Variants in PRPSAP2 observed in about 807,000 individuals in gnomAD.
PRPSAP2 encodes phosphoribosyl pyrophosphate synthase-associated protein 2.
A neutral mutation model predicts 40.6 loss-of-function variants in PRPSAP2; 24 were observed. The ratio of observed to expected loss-of-function variants is 0.59; its 90% CI spans 0.43 to 0.83. The LOEUF (loss-of-function observed/expected upper bound fraction) is 0.83. PRPSAP2 is among the 40% of genes least tolerant of loss of function. The probability of loss-of-function intolerance (pLI) is 0.00; values close to 1 mark genes in which losing one functional copy is unlikely to be tolerated. For synonymous variants in PRPSAP2, 149 were observed against 164.7 expected (o/e 0.90, Z 0.73); for missense variants, 292 against 465.6 (o/e 0.63, Z 3.43).
intron 8 of PRPSAP2, among the ~76,000 whole-genome samples, chr17:18,903,397 A>G (rs1306941982): frequency 2.0e-5 from 3 of 149,280 alleles, no homozygotes; most frequent in Non-Finnish European, 2.9e-5. Flanking sequence ...CAGGTAGTAA[A>G]ATAACACAGT....
intron 6 of PRPSAP2, among the ~76,000 whole-genome samples, chr17:18,880,352 G>A (rs1175848839): frequency 6.6e-6 from 1 of 152,166 alleles, no homozygotes; most frequent in Non-Finnish European, 1.5e-5. Flanking sequence ...TACAAAGGTG[G>A]TGAAGGTTTT....
chr17:18,922,828 C>G (rs2041764579), intron 9 of PRPSAP2, among the ~76,000 whole-genome samples: 1 of 150,718 alleles, frequency 6.6e-6, no homozygotes, highest in Admixed American at 6.6e-5. Context: ...CATGCACCAC[C>G]ACGCCCTGCT....
chr17:18,881,322 GC>G (rs994825616), intron 6 of PRPSAP2, among the ~76,000 whole-genome samples: 2 of 148,604 alleles, frequency 1.3e-5, no homozygotes, highest in Admixed American at 1.4e-4. Flanking sequence ...TGCAACCTCC[GC>G]CCCCCCAGGT....
chr17:18,893,259 C>T (rs1443257788), intron 8 of PRPSAP2, among the ~76,000 whole-genome samples: 1 of 151,370 alleles, frequency 6.6e-6, no homozygotes, highest in East Asian at 1.9e-4. Context: ...AGCGAGTCTC[C>T]TGCCTCAGCC....
At chr17:18,923,869 C>T in intron 9 of PRPSAP2, 45 bp from the exon 10 acceptor site, 2 of 1,513,336 alleles carry the variant, frequency 1.3e-6, no homozygotes, top group South Asian at 2.4e-5. Context: ...TTTTGTTTTA[C>T]TTTTTAATAT....
chr17:18,889,728 T>A, intron 7 of PRPSAP2, 94 bp from the exon 8 acceptor site: 4 of 996,222 alleles, frequency 4.0e-6, no homozygotes, highest in Non-Finnish European at 5.8e-6. Flanking sequence ...TTTTCTTTTT[T>A]TGGAAAACTT....
intron 8 of PRPSAP2, chr17:18,908,726 A>C: frequency 4.1e-6 from 3 of 725,646 alleles, no homozygotes; most frequent in Non-Finnish European, 5.1e-6. Flanking sequence ...TTCAAAACAA[A>C]GTTTGAAGAA....
chr17:18,920,887 AG>A (rs1267616121), intron 9 of PRPSAP2, among the ~76,000 whole-genome samples: 26 of 152,182 alleles, frequency 1.7e-4, no homozygotes, highest in Non-Finnish European at 2.5e-4. Flanking sequence ...ATTTTCATAA[AG>A]CTGCGATGCA....
chr17:18,890,680 G>A (rs2039488241), intron 8 of PRPSAP2, among the ~76,000 whole-genome samples: 1 of 152,174 alleles, frequency 6.6e-6, no homozygotes, highest in Admixed American at 6.6e-5. Context: ...CCCAGACCCA[G>A]ATTGACAATC....
chr17:18,925,749 G>C lies in PRPSAP2; in HGVS notation c.804+1765G>C, dbSNP rs1010224558. Among the ~76,000 whole-genome samples, 51 of 152,162 alleles carry C rather than the reference G, an allele frequency of 3.4e-4. 2 individuals carry two copies. The highest frequency in any genetic ancestry group is 3.3e-3 in the Admixed American group (51 of 15,260). On this transcript the variant is annotated intron_variant, in intron 10 of 11. Coordinates refer to ENST00000268835, the MANE Select transcript of PRPSAP2 (RefSeq NM_002767.4). ...CAAAGTGGTCACACCCATTTCCCAA[G>C]TTCCATAGTGGGTGCCCCACATTAT...
intron 8 of PRPSAP2, among the ~76,000 whole-genome samples, chr17:18,909,433 A>G (rs1246156948): frequency 5.3e-5 from 8 of 151,258 alleles, no homozygotes; most frequent in East Asian, 3.9e-4. Context: ...TTTAGTAGAG[A>G]CGGGGTTTCA....
chr17:18,876,082 G>C (rs1393906654), intron 5 of PRPSAP2, among the ~76,000 whole-genome samples: 1 of 152,134 alleles, frequency 6.6e-6, no homozygotes, highest in African/African-American at 2.4e-5. Context: ...GCGGTGAGCC[G>C]AGATCATGCC....
chr17:18,912,784 C>T (rs981407690), intron 9 of PRPSAP2, among the ~76,000 whole-genome samples: 1 of 152,142 alleles, frequency 6.6e-6, no homozygotes, highest in Admixed American at 6.6e-5. Context: ...CTTGTAGTCC[C>T]AGCGTTTTGG....
At chr17:18,900,826 T>G (rs532362470) in intron 8 of PRPSAP2, among the ~76,000 whole-genome samples, 66 of 152,224 alleles carry the variant, frequency 4.3e-4, no homozygotes, top group African/African-American at 1.5e-3. Context: ...GTGGTGGAAT[T>G]CCTGACTCCA....
At chr17:18,862,972 C>T (rs1293839903) in intron 1 of PRPSAP2, among the ~76,000 whole-genome samples, 2 of 149,616 alleles carry the variant, frequency 1.3e-5, no homozygotes, top group Non-Finnish European at 3.0e-5. Context: ...AGGCGCCCAC[C>T]ACCACGCCCA....
At chr17:18,898,387 T>C (rs1348376844) in intron 8 of PRPSAP2, among the ~76,000 whole-genome samples, 1 of 152,234 alleles carries the variant, frequency 6.6e-6, no homozygotes. Context: ...TGTTTCCTTC[T>C]TCCTTGCTGA....
At chr17:18,864,899 T>C (rs2037320048) in intron 1 of PRPSAP2, 1 of 152,254 alleles carries the variant, frequency 6.6e-6, no homozygotes, top group Non-Finnish European at 1.5e-5. Context: ...AGGCTGGAAG[T>C]GCAGTGGCAC....
At chr17:18,857,355 G>A (rs1177310304), upstream of PRPSAP2, among the ~76,000 whole-genome samples, 1 of 150,448 alleles carries the variant, frequency 6.6e-6, no homozygotes, top group African/African-American at 2.4e-5. Context: ...ACTAACAAAC[G>A]AACAAAAAAC....
intron 8 of PRPSAP2, among the ~76,000 whole-genome samples, chr17:18,893,223 A>G (rs933053097): frequency 7.0e-6 from 1 of 143,050 alleles, no homozygotes; most frequent in African/African-American, 2.6e-5. Flanking sequence ...GTCTCAGCTC[A>G]CTGCAACCTC....
Sources: gnomAD v4.1 joint callset for allele counts (sites outside exome capture counted in the v4.1 genomes callset) on GRCh38, gnomAD v4.1.1 for gene constraint, MANE v1.5 for transcripts, NCBI Gene and HGNC (gene_info 2026-07-23, HGNC 2026-07-21) for gene names.